Variants in ZNF385D observed in about 807,000 individuals in gnomAD.
ZNF385D encodes zinc finger protein 659.
ZNF385D carries 15 observed loss-of-function variants against 35.8 expected under a neutral mutation model. The ratio of observed to expected loss-of-function variants is 0.42; its 90% confidence interval spans 0.28 to 0.64. The LOEUF (loss-of-function observed/expected upper bound fraction) is 0.64. Ranked by LOEUF, ZNF385D falls within the 30% of genes least tolerant of loss-of-function variation. The probability of loss-of-function intolerance (pLI) is 0.23; values close to 1 mark genes in which losing one functional copy is unlikely to be tolerated. For missense variants in ZNF385D, 474 were observed against 494.6 expected, an observed-to-expected ratio of 0.96 and a Z score of 0.39; for synonymous variants, 212 against 186.8, an observed-to-expected ratio of 1.13 and a Z score of -1.10.
intron 2 of ZNF385D, among the ~76,000 whole-genome samples, chr3:22,315,676 C>T (rs919302265): frequency 1.1e-4 from 17 of 152,156 alleles, no homozygotes; most frequent in South Asian, 2.1e-4. Flanking sequence ...ATTATGACTG[C>T]GACAGAAGTC....
In ZNF385D at chr3:22,084,457, A is replaced by C. The variant is rs536891208; in HGVS notation, c.325+84360T>G. On this transcript the variant is annotated intron_variant, in intron 3 of 5. Coordinates refer to the ZNF385D transcript ENST00000494108. ...TCTCTGATTAAACAGACTTTAAACCAACAAAGATCAAAAGAGACAAAGAAG... is the reference window on the plus strand; with the variant it reads ...TCTCTGATTAAACAGACTTTAAACCCACAAAGATCAAAAGAGACAAAGAAG... 9.8e-5 allele frequency among the ~76,000 whole-genome samples: 15 copies of C among 152,300 alleles called. No individual in the cohort carries two copies. In the South Asian group the frequency reaches 3.1e-3, roughly 32 times the overall value.
At chr3:21,578,584 G>A (rs1285171569) in intron 2 of ZNF385D, among the ~76,000 whole-genome samples, 1 of 151,996 alleles carries the variant, frequency 6.6e-6, no homozygotes, top group Non-Finnish European at 1.5e-5. Flanking sequence ...ATTTATCTAA[G>A]AGACTGTCCT....
intron 3 of ZNF385D, among the ~76,000 whole-genome samples, chr3:21,904,464 A>G (rs937804796): frequency 6.6e-6 from 1 of 152,158 alleles, no homozygotes; most frequent in African/African-American, 2.4e-5. Context: ...ATGCAGGCTA[A>G]TTTCCGAAAT....
At chr3:21,828,769 C>T (rs774749187) in intron 3 of ZNF385D, among the ~76,000 whole-genome samples, 5 of 150,400 alleles carry the variant, frequency 3.3e-5, no homozygotes, top group Non-Finnish European at 7.5e-5. Context: ...TTTTACTGCA[C>T]TGAATTCAAC....
intron 3 of ZNF385D, among the ~76,000 whole-genome samples, chr3:21,924,852 C>T (rs1282950265): frequency 1.3e-5 from 2 of 152,042 alleles, no homozygotes; most frequent in Non-Finnish European, 2.9e-5. Flanking sequence ...AACTGAGGCC[C>T]ATTGGGAAAC....
chr3:21,740,423 C>T (rs2069456322), intron 1 of ZNF385D, among the ~76,000 whole-genome samples: 1 of 152,132 alleles, frequency 6.6e-6, no homozygotes, highest in Admixed American at 6.5e-5. Flanking sequence ...TTTGTACAAA[C>T]ACTAAGTTTT....
chr3:21,826,479 T>C (rs1371927269), intron 3 of ZNF385D, among the ~76,000 whole-genome samples: 3 of 152,148 alleles, frequency 2.0e-5, no homozygotes, highest in African/African-American at 7.2e-5. Flanking sequence ...GATAGAGTTG[T>C]TGATGTCTAA....
chr3:21,526,161 T>A lies in ZNF385D; in HGVS notation c.277-15138A>T, dbSNP rs185913737. 2.0e-5 allele frequency among the ~76,000 whole-genome samples: 3 copies of A among 152,274 alleles called. No individual in the cohort carries two copies. In the East Asian group the frequency reaches 5.8e-4, roughly 29 times the overall value. On this transcript the variant is annotated intron_variant, in intron 3 of 7. Transcript: ENST00000281523. ...GAATGATTCAATGATTCAAGCTGCA[T>A]GGAAACTAAGAGAAATCAAGCATGA...
intron 3 of ZNF385D, among the ~76,000 whole-genome samples, chr3:21,766,199 C>G (rs531138893): frequency 6.6e-6 from 1 of 152,128 alleles, no homozygotes; most frequent in East Asian, 1.9e-4. Flanking sequence ...GATGAGAGAC[C>G]TGTTTTCTTT....
At chr3:22,185,505 CTG>C (rs750695405) in intron 2 of ZNF385D, among the ~76,000 whole-genome samples, 4 of 152,166 alleles carry the variant, frequency 2.6e-5, no homozygotes, top group African/African-American at 9.6e-5. Flanking sequence ...GAGTCTCACT[CTG>C]TCGTCCAGGC....
intron 4 of ZNF385D, among the ~76,000 whole-genome samples, chr3:21,457,830 G>T (rs1180949558): frequency 6.6e-6 from 1 of 152,182 alleles, no homozygotes; most frequent in African/African-American, 2.4e-5. Context: ...AAGTAATTCT[G>T]CACTAGCCCT....
At chr3:21,584,287 C>G (rs1201477489) in intron 2 of ZNF385D, among the ~76,000 whole-genome samples, 1 of 152,070 alleles carries the variant, frequency 6.6e-6, no homozygotes, top group Non-Finnish European at 1.5e-5. Context: ...CCCATTTACA[C>G]GTTTAAATGT....
intron 2 of ZNF385D, among the ~76,000 whole-genome samples, chr3:22,366,675 A>T (rs541659354): frequency 2.0e-5 from 3 of 152,158 alleles, no homozygotes; most frequent in Non-Finnish European, 4.4e-5. Flanking sequence ...CTCAGTCCTT[A>T]CTGAAAATAC....
At chr3:21,982,826 T>TC (rs991353407) in intron 3 of ZNF385D, among the ~76,000 whole-genome samples, 2 of 151,512 alleles carry the variant, frequency 1.3e-5, no homozygotes, top group African/African-American at 4.8e-5. Flanking sequence ...GCCTTTTTTT[T>TC]TGCATCTATT....
chr3:21,770,275 A>G (rs2071020407), intron 3 of ZNF385D, among the ~76,000 whole-genome samples: 1 of 152,218 alleles, frequency 6.6e-6, no homozygotes, highest in African/African-American at 2.4e-5. Flanking sequence ...GCACAGCAAA[A>G]GAAACTACCA....
At chr3:21,424,317 A>ATATATATATTTATATATATATACTTATAT in intron 6 of ZNF385D, among the ~76,000 whole-genome samples, 1 of 63,802 alleles carries the variant, frequency 1.6e-5, no homozygotes, top group Non-Finnish European at 2.7e-5. Context: ...ATATATATAT[A>ATATATATATTTATATATATATACTTATAT]TTTTTTTTTT....
intron 2 of ZNF385D, among the ~76,000 whole-genome samples, chr3:22,372,150 G>A (rs947514984): frequency 6.6e-6 from 1 of 152,020 alleles, no homozygotes; most frequent in African/African-American, 2.4e-5. Flanking sequence ...CTGCCCCTTG[G>A]TTCTCGGCAA....
intron 3 of ZNF385D, among the ~76,000 whole-genome samples, chr3:21,830,677 C>A (rs1278890459): frequency 6.6e-6 from 1 of 151,650 alleles, no homozygotes; most frequent in Admixed American, 6.5e-5. Context: ...AGTAGAGTTG[C>A]GGAATGTGCC....
chr3:21,959,075 A>G (rs1226510743), intron 3 of ZNF385D, among the ~76,000 whole-genome samples: 2 of 152,194 alleles, frequency 1.3e-5, no homozygotes, highest in Non-Finnish European at 2.9e-5. Flanking sequence ...AGTTACTTTT[A>G]AAGTTATTTT....
Sources: allele counts gnomAD v4.1 joint callset (sites outside exome capture counted in the v4.1 genomes callset), GRCh38; gene constraint gnomAD v4.1.1; transcripts MANE v1.5; gene names NCBI Gene and HGNC (gene_info 2026-07-23, HGNC 2026-07-21).